DPP6: variants seen among roughly 807,000 people sequenced by gnomAD.
DPP6 encodes the protein dipeptidyl peptidase like 6, also known as A-type potassium channel modulatory protein DPP6.
Under a neutral mutation model 122.6 loss-of-function variants are expected in DPP6, and 69 were observed. The ratio of observed to expected loss-of-function variants is 0.56; its 90% CI spans 0.46 to 0.69. The LOEUF is 0.69. Ranked by LOEUF, DPP6 falls within the 30% of genes least tolerant of loss-of-function variation. DPP6 has a pLI of 0.00. For missense variants in DPP6, 928 were observed against 1,116.9 expected (o/e 0.83, Z 2.41); for synonymous variants, 418 against 433.1 (o/e 0.97, Z 0.43).
chr7:153,991,016 G>C (rs1290134403), intron 1 of DPP6, among the ~76,000 whole-genome samples: 1 of 152,232 alleles, frequency 6.6e-6, no homozygotes, highest in Admixed American at 6.5e-5. Flanking sequence ...CATAGTCCTC[G>C]TGGTTAGAGG....
At chr7:154,326,304 T>A (rs1808439754) in intron 1 of DPP6, among the ~76,000 whole-genome samples, 1 of 152,080 alleles carries the variant, frequency 6.6e-6, no homozygotes. Context: ...CAGGTCCCTG[T>A]CTAGAAACAT....
At chr7:154,541,473 A>G (rs1828723753) in intron 4 of DPP6, among the ~76,000 whole-genome samples, 1 of 152,246 alleles carries the variant, frequency 6.6e-6, no homozygotes, top group Non-Finnish European at 1.5e-5. Flanking sequence ...ATGTTCATGT[A>G]CGGTTAAAGA....
At chr7:153,776,011 TC>T in the DPP6 span, among the ~76,000 whole-genome samples, 2 of 152,190 alleles carry the variant, frequency 1.3e-5, no homozygotes, top group African/African-American at 4.8e-5. Context: ...GTTATATGTT[TC>T]TTTAATGTAA....
chr7:153,994,313 C>A (rs1224911989), intron 1 of DPP6, among the ~76,000 whole-genome samples: 1 of 151,834 alleles, frequency 6.6e-6, no homozygotes, highest in East Asian at 1.9e-4. Flanking sequence ...ATGGTGCCAA[C>A]CCCATCAATT....
intron 1 of DPP6, among the ~76,000 whole-genome samples, chr7:154,432,764 G>A (rs1334664344): frequency 6.6e-6 from 1 of 152,186 alleles, no homozygotes; most frequent in Non-Finnish European, 1.5e-5. Context: ...TCAAGACACG[G>A]AAGTGGGCAT....
the DPP6 span, among the ~76,000 whole-genome samples, chr7:153,759,078 G>A: frequency 6.6e-6 from 1 of 151,612 alleles, no homozygotes; most frequent in African/African-American, 2.4e-5. Context: ...TTAAATAAGT[G>A]TTTAGTGGCA....
intron 11 of DPP6, among the ~76,000 whole-genome samples, chr7:154,795,274 G>T (rs989477049): frequency 2.0e-5 from 3 of 152,196 alleles, no homozygotes; most frequent in African/African-American, 7.2e-5. Context: ...GGCCCACAGC[G>T]CCTCCAGGTG....
intron 1 of DPP6, among the ~76,000 whole-genome samples, chr7:154,440,079 A>G (rs956076856): frequency 2.6e-5 from 4 of 152,150 alleles, no homozygotes; most frequent in African/African-American, 7.2e-5. Flanking sequence ...TAAGATGATG[A>G]TGATGATGTA....
At chr7:154,334,205 C>A (rs2151044634) in intron 1 of DPP6, among the ~76,000 whole-genome samples, 1 of 148,704 alleles carries the variant, frequency 6.7e-6, no homozygotes, top group East Asian at 2.0e-4. Context: ...AAAAAAAAAC[C>A]TTTGCAAAGA....
At chr7:154,113,509 G>A (rs547252656) in intron 1 of DPP6, among the ~76,000 whole-genome samples, 1 of 151,988 alleles carries the variant, frequency 6.6e-6, no homozygotes, top group Non-Finnish European at 1.5e-5. Context: ...ACCTCTTTGT[G>A]GTTTTGATTT....
intron 6 of DPP6, among the ~76,000 whole-genome samples, chr7:154,646,045 A>AAAAAAAAAAAAAAAAAAAAAAAC (rs1554421912): frequency 6.8e-6 from 1 of 147,568 alleles, no homozygotes; most frequent in African/African-American, 2.6e-5. Flanking sequence ...AAAAAAAAAA[A>AAAAAAAAAAAAAAAAAAAAAAAC]GAAAATACTG....
intron 5 of DPP6, among the ~76,000 whole-genome samples, chr7:154,637,235 T>C (rs185965040): frequency 1.3e-5 from 2 of 152,180 alleles, no homozygotes; most frequent in African/African-American, 4.8e-5. Context: ...TTCTGTTACC[T>C]CCATTTTAAA....
chr7:154,202,070 T>G (rs566027228), intron 1 of DPP6, among the ~76,000 whole-genome samples: 2 of 152,118 alleles, frequency 1.3e-5, no homozygotes, highest in Admixed American at 1.3e-4. Flanking sequence ...TTTCTTGGAG[T>G]GAGTTTTGGG....
At chr7:154,398,383 A>T (rs1254932087) in intron 1 of DPP6, among the ~76,000 whole-genome samples, 1 of 152,150 alleles carries the variant, frequency 6.6e-6, no homozygotes, top group Non-Finnish European at 1.5e-5. Context: ...CTACACCATC[A>T]CACTGCCAGA....
chr7:153,971,382 T>G, intron 1 of DPP6, among the ~76,000 whole-genome samples: 1 of 151,244 alleles, frequency 6.6e-6, no homozygotes, highest in East Asian at 2.0e-4. Context: ...ATCAAGCCAG[T>G]TTTACTTACT....
intron 5 of DPP6, among the ~76,000 whole-genome samples, chr7:154,590,245 C>G (rs1026126520): frequency 2.0e-5 from 3 of 152,164 alleles, no homozygotes; most frequent in African/African-American, 7.2e-5. Flanking sequence ...CTAGCCGTTT[C>G]AATCCCAAGA....
chr7:154,402,675 C>T (rs1263168976), intron 1 of DPP6, among the ~76,000 whole-genome samples: 1 of 149,536 alleles, frequency 6.7e-6, no homozygotes, highest in Non-Finnish European at 1.5e-5. Context: ...GTGCAGCGCA[C>T]CAGCATGGCA....
In DPP6 at chr7:154,012,218, C is replaced by T. The variant is rs10085576; in HGVS notation, c.51+124484C>T. On this transcript the variant is annotated intron_variant, in intron 1 of 25. Coordinates refer to the DPP6 transcript ENST00000404039. The stretch of plus-strand genomic sequence containing the variant: ...ATGAGAATTCCTTTTTGCTGTCTTT[C>T]ATTTTTAAGCAGAAACCTTTCTTTA... 3.8e-3 allele frequency among the ~76,000 whole-genome samples: 581 copies of T among 152,212 alleles called. 4 individuals are homozygous for T. The highest frequency in any genetic ancestry group is 0.013 in the African/African-American group (550 of 41,536).
At chr7:154,404,397 A>T (rs1815894837) in intron 1 of DPP6, among the ~76,000 whole-genome samples, 1 of 152,264 alleles carries the variant, frequency 6.6e-6, no homozygotes, top group Admixed American at 6.5e-5. Context: ...AGACAACAAC[A>T]TTAGACTTTA....
Sources: allele counts gnomAD v4.1 joint callset (sites outside exome capture counted in the v4.1 genomes callset), GRCh38; gene constraint gnomAD v4.1.1; transcripts MANE v1.5; gene names NCBI Gene and HGNC (gene_info 2026-07-23, HGNC 2026-07-21).